KIAA1549: variants seen among roughly 807,000 people sequenced by gnomAD.
KIAA1549 encodes the protein KIAA1549.
In KIAA1549, 70 loss-of-function variants were observed where a neutral mutation model predicts 156.4. The observed-to-expected ratio is 0.45, with a 90% CI of 0.37 to 0.55. The LOEUF is 0.55. Ranked by LOEUF, KIAA1549 falls within the 20% of genes least tolerant of loss-of-function variation. The probability of loss-of-function intolerance (pLI) is 0.00; values close to 1 mark genes in which losing one functional copy is unlikely to be tolerated. For synonymous variants in KIAA1549, 1,103 were observed against 1,066.4 expected, an observed-to-expected ratio of 1.03 and a Z score of -0.67; for missense variants, 2,428 against 2,540.9, an observed-to-expected ratio of 0.96 and a Z score of 0.96.
intron 12 of KIAA1549, among the ~76,000 whole-genome samples, chr7:138,878,868 G>A (rs1163908855): frequency 6.6e-6 from 1 of 152,146 alleles, no homozygotes; most frequent in East Asian, 1.9e-4. Context: ...AACAGCTGCA[G>A]TAGCACATCT....
intron 1 of KIAA1549, among the ~76,000 whole-genome samples, chr7:138,941,363 TAAG>T (rs1813178927): frequency 6.6e-6 from 1 of 152,282 alleles, no homozygotes; most frequent in South Asian, 2.1e-4. Context: ...TTATGACACT[TAAG>T]AAGGAGGGAA....
intron 1 of KIAA1549, among the ~76,000 whole-genome samples, chr7:138,930,235 T>C (rs76798839): frequency 0.043 from 6,621 of 152,260 alleles, 199 homozygotes; most frequent in African/African-American, 0.073. Context: ...TGCTGTCATC[T>C]AGGCTGTGTT....
chr7:138,941,020 T>C (rs1053871904), intron 1 of KIAA1549, among the ~76,000 whole-genome samples: 1 of 152,110 alleles, frequency 6.6e-6, no homozygotes, highest in Admixed American at 6.5e-5. Flanking sequence ...TTTAGTTTAA[T>C]TAGATCCCAT....
intron 1 of KIAA1549, among the ~76,000 whole-genome samples, chr7:138,920,894 T>A (rs938617696): frequency 6.6e-6 from 1 of 152,238 alleles, no homozygotes; most frequent in Non-Finnish European, 1.5e-5. Flanking sequence ...CTTGAAACTG[T>A]CTACTTCAGA....
At chr7:138,936,757 A>T (rs2130514515) in intron 1 of KIAA1549, among the ~76,000 whole-genome samples, 1 of 88,278 alleles carries the variant, frequency 1.1e-5, no homozygotes, top group East Asian at 4.0e-4. Context: ...CACACCCCCC[A>T]AACGCTGGTA....
chr7:138,929,120 C>T (rs1338841650), intron 1 of KIAA1549, among the ~76,000 whole-genome samples: 1 of 152,164 alleles, frequency 6.6e-6, no homozygotes, highest in Non-Finnish European at 1.5e-5. Context: ...ATTGATGCTT[C>T]ATTTCATGAA....
Position 138,835,167 on chromosome 7 carries a change from T to G in KIAA1549, c.*2739A>C, listed in dbSNP as rs1809670872. 1 of 219,698 alleles carries G rather than the reference T, an allele frequency of 4.6e-6. No individual in the cohort carries two copies. The highest frequency in any genetic ancestry group is 9.1e-6 in the Non-Finnish European group (1 of 109,642). 13.6% of individuals were successfully genotyped at this position (219,698 alleles called of 1,614,324 possible). A position where few individuals can be genotyped will look rare whatever the true frequency, so the allele number is the denominator to read the frequency against. ...TTCCTTTCAGTGGATGACGTGAACT[T>G]AATGTCTGAAGACCGCTAGGGTACG... On this transcript the variant is annotated 3_prime_UTR_variant, in exon 20 of 20. Transcript: ENST00000422774.
chr7:138,911,046 A>G, intron 4 of KIAA1549, 100 bp downstream of exon 4: 1 of 941,476 alleles, frequency 1.1e-6, no homozygotes, highest in Non-Finnish European at 1.5e-6. Flanking sequence ...AATCATCATC[A>G]TAATAATAAA....
At chr7:138,921,480 G>A (rs745358685) in intron 1 of KIAA1549, among the ~76,000 whole-genome samples, 1 of 152,220 alleles carries the variant, frequency 6.6e-6, no homozygotes, top group Non-Finnish European at 1.5e-5. Flanking sequence ...GACCATATTC[G>A]GAAACAGGGT....
chr7:138,957,402 C>T (rs1813697099), intron 1 of KIAA1549, among the ~76,000 whole-genome samples: 1 of 152,146 alleles, frequency 6.6e-6, no homozygotes, highest in South Asian at 2.1e-4. Context: ...AATCCTAAAT[C>T]TTGGCCCACT....
intron 2 of KIAA1549, 88 bp downstream of exon 2, chr7:138,916,660 C>T (rs766793768): frequency 5.4e-5 from 84 of 1,544,736 alleles, no homozygotes; most frequent in Non-Finnish European, 6.8e-5. Flanking sequence ...TGCTCTTAAC[C>T]ATGAAGCTCC....
chr7:138,854,602 T>C (rs983332976), intron 16 of KIAA1549, among the ~76,000 whole-genome samples: 8 of 152,112 alleles, frequency 5.3e-5, no homozygotes, highest in Admixed American at 1.3e-4. Context: ...CAGGCTCCCC[T>C]TGGCAACATT....
chr7:138,943,218 C>G (rs566868479), intron 1 of KIAA1549, among the ~76,000 whole-genome samples: 1 of 152,188 alleles, frequency 6.6e-6, no homozygotes, highest in Non-Finnish European at 1.5e-5. Flanking sequence ...ACGAGTCCCC[C>G]TCGAGTCCCA....
chr7:138,876,490 A>T (rs12540195), intron 12 of KIAA1549: 40,841 of 152,132 alleles, frequency 0.27, 6,040 homozygotes, highest in Middle Eastern at 0.47. Context: ...CACATGCAAA[A>T]GTCAGTGTCA....
Position 138,918,783 on chromosome 7 carries a change from A to C in KIAA1549, c.843T>G (p.Leu281=). 1 of 1,613,982 alleles carries C rather than the reference A, an allele frequency of 6.2e-7. No homozygotes were observed. The change falls in exon 2 of 20, where the codon CTT becomes CTG. Residue 281 remains leucine, a synonymous_variant. Transcript: ENST00000422774. The surrounding 1 kb of genome is among the most constrained non-coding windows in gnomAD (Gnocchi z 4.2). ...ASLTEGVETT[L]FLSSRSLMPQ... The stretch of plus-strand genomic sequence containing the variant: ...GCATTAAAGACCGGGAGCTTAAAAA[A>C]AGGGTGGTTTCCACACCCTCTGTTA...
At position 138,837,963 on chromosome 7, in the gene KIAA1549, G is replaced by A. The variant is rs577677915; in HGVS notation, c.5796C>T (p.Arg1932=). Residue 1932 remains arginine (R), a synonymous_variant, in exon 20 of 20, where the codon CGC becomes CGT. Transcript: ENST00000422774. ...HSSASLIKAI[R]EELLRLSQKQ... ...TCTGGGAGAGCCGGAGGAGCTCCTC[G>A]CGGATTGCTTTGATGAGAGAGGCCG... 2.4e-5 allele frequency: 38 copies of A among 1,613,780 alleles called. No homozygotes were observed. The highest frequency in any genetic ancestry group is 3.3e-5 in the South Asian group (3 of 90,968).
intron 2 of KIAA1549, among the ~76,000 whole-genome samples, chr7:138,914,827 T>C (rs554496902): frequency 1.3e-5 from 2 of 152,328 alleles, no homozygotes; most frequent in South Asian, 2.1e-4. Flanking sequence ...GGATACCTAA[T>C]ACAGGCACCA....
chr7:138,883,313 C>CT (rs112709363), intron 10 of KIAA1549, among the ~76,000 whole-genome samples: 2,958 of 123,642 alleles, frequency 0.024, 152 homozygotes, highest in African/African-American at 0.078. Flanking sequence ...GTTCACATTT[C>CT]TTTTTTTTTT....
chr7:138,868,945 G>C (rs530616284), intron 14 of KIAA1549, among the ~76,000 whole-genome samples: 49 of 152,324 alleles, frequency 3.2e-4, no homozygotes, highest in Non-Finnish European at 5.7e-4. Flanking sequence ...CACCTGGCAG[G>C]CAATAAGAGC....
Sources: allele counts gnomAD v4.1 joint callset (sites outside exome capture counted in the v4.1 genomes callset), GRCh38; gene constraint gnomAD v4.1.1; non-coding constraint Gnocchi (gnomAD v3.1); transcripts MANE v1.5; gene names NCBI Gene and HGNC (gene_info 2026-07-23, HGNC 2026-07-21).